KIFAP3: variants seen among roughly 807,000 people sequenced by gnomAD.
KIFAP3 encodes the protein kinesin associated protein 3.
In KIFAP3, 68 loss-of-function variants were observed where a neutral mutation model predicts 106.5. The observed-to-expected ratio is 0.64, with a 90% CI of 0.53 to 0.78. The LOEUF (loss-of-function observed/expected upper bound fraction) is 0.78. KIFAP3 is among the 30% of genes least tolerant of loss of function. The pLI is 0.00. For synonymous variants in KIFAP3, 320 were observed against 311.5 expected (o/e 1.03, Z -0.29); for missense variants, 780 against 941.8 (o/e 0.83, Z 2.25).
At chr1:169,975,913 T>C (rs80165788) in intron 16 of KIFAP3, among the ~76,000 whole-genome samples, 2,796 of 152,288 alleles carry the variant, frequency 0.018, 73 homozygotes, top group African/African-American at 0.063. Flanking sequence ...TATCAACATG[T>C]TATAATCTTT....
At chr1:170,031,858 G>T in intron 8 of KIFAP3, 28 bp downstream of exon 8, 1 of 1,391,630 alleles carries the variant, frequency 7.2e-7, no homozygotes, top group Non-Finnish European at 1.0e-6. Flanking sequence ...GTACTTTGTT[G>T]CTTTCCTCAT....
chr1:170,040,882 GTGGCATGGTCT>G (rs1318302069), intron 3 of KIFAP3, among the ~76,000 whole-genome samples: 1 of 150,848 alleles, frequency 6.6e-6, no homozygotes, highest in Non-Finnish European at 1.5e-5. Flanking sequence ...ATGGAGTACA[GTGGCATGGTCT>G]TGGCTCACTG....
intron 15 of KIFAP3, among the ~76,000 whole-genome samples, chr1:169,980,279 C>T (rs1490689091): frequency 1.3e-5 from 2 of 152,102 alleles, no homozygotes; most frequent in East Asian, 1.9e-4. Context: ...AAAATTAACA[C>T]AAAATGCACA....
intron 18 of KIFAP3, among the ~76,000 whole-genome samples, chr1:169,958,915 C>T (rs1401466657): frequency 6.6e-6 from 1 of 151,910 alleles, no homozygotes; most frequent in African/African-American, 2.4e-5. Context: ...TCACATAATA[C>T]TAAGATTTTT....
intron 9 of KIFAP3, among the ~76,000 whole-genome samples, chr1:170,018,278 T>C (rs1467872758): frequency 6.6e-6 from 1 of 152,156 alleles, no homozygotes; most frequent in African/African-American, 2.4e-5. Flanking sequence ...ACAGATCATA[T>C]GGCCTGCAAA....
At chr1:169,947,735 A>C (rs561094695) in intron 19 of KIFAP3, among the ~76,000 whole-genome samples, 2 of 151,972 alleles carry the variant, frequency 1.3e-5, no homozygotes, top group South Asian at 4.1e-4. Flanking sequence ...CAGATGTGGC[A>C]GTGATGTATC....
intron 12 of KIFAP3, 132 bp downstream of exon 12, chr1:169,984,450 T>C (rs905689676): frequency 2.4e-5 from 11 of 455,642 alleles, no homozygotes; most frequent in Admixed American, 7.7e-5. Context: ...TTAAGGATTA[T>C]AGCTATAATG....
intron 10 of KIFAP3, among the ~76,000 whole-genome samples, chr1:170,010,774 A>G (rs1004232469): frequency 6.6e-6 from 1 of 152,020 alleles, no homozygotes; most frequent in African/African-American, 2.4e-5. Flanking sequence ...AAATATAAAA[A>G]AGATTTTTCT....
chr1:170,041,930 G>C (rs1029380542), intron 3 of KIFAP3: 5 of 1,208,426 alleles, frequency 4.1e-6, no homozygotes, highest in East Asian at 2.7e-5. Flanking sequence ...GGGCGATTTC[G>C]TTTCAGTTAT....
chr1:169,956,850 A>G (rs1244175112), intron 18 of KIFAP3, among the ~76,000 whole-genome samples: 1 of 152,068 alleles, frequency 6.6e-6, no homozygotes, highest in Non-Finnish European at 1.5e-5. Flanking sequence ...CTCTTGCCTC[A>G]GCCTCCCAAA....
chr1:170,016,459 T>A lies in KIFAP3; in HGVS notation c.1183+3A>T, dbSNP rs1273029056. On this transcript the variant is annotated splice_donor_region_variant and intron_variant, in intron 10 of 19. Transcript: ENST00000361580. ...CACTGTCATTAATTTCTAAAAAGCA[T>A]ACCTAGGAGTGCAGTGAGCTTGGGA... is the stretch of plus-strand genomic sequence containing the variant. 6.3e-7 allele frequency: 1 copy of A among 1,592,134 alleles called. No homozygotes were observed.
chr1:170,066,323 A>C (rs1671445502), intron 1 of KIFAP3, among the ~76,000 whole-genome samples: 1 of 152,166 alleles, frequency 6.6e-6, no homozygotes, highest in African/African-American at 2.4e-5. Flanking sequence ...TATGTACTCA[A>C]ATATTTATAA....
intron 19 of KIFAP3, among the ~76,000 whole-genome samples, chr1:169,944,923 C>T (rs1428416440): frequency 1.3e-5 from 2 of 152,140 alleles, no homozygotes; most frequent in Non-Finnish European, 2.9e-5. Flanking sequence ...GGAGACTCCA[C>T]CTGGAACCGG....
chr1:170,046,350 T>C (rs1313181822), intron 3 of KIFAP3, among the ~76,000 whole-genome samples: 1 of 152,100 alleles, frequency 6.6e-6, no homozygotes, highest in African/African-American at 2.4e-5. Flanking sequence ...AAAAGAAGTT[T>C]ATAAAACATC....
chr1:169,969,919 T>C (rs1351181091), intron 17 of KIFAP3, among the ~76,000 whole-genome samples: 1 of 152,042 alleles, frequency 6.6e-6, no homozygotes, highest in Non-Finnish European at 1.5e-5. Context: ...TTCTTAGTGT[T>C]TGGCACATAA....
intron 19 of KIFAP3, among the ~76,000 whole-genome samples, chr1:169,926,682 TACAC>T (rs60885577): frequency 2.2e-4 from 11 of 50,782 alleles, no homozygotes; most frequent in Non-Finnish European, 4.2e-4. Flanking sequence ...GTTGTGTGTG[TACAC>T]ACACACACAC....
chr1:170,038,500 T>C lies in KIFAP3; in HGVS notation c.376-69A>G. On this transcript the variant is annotated intron_variant, in intron 4 of 19. Coordinates refer to ENST00000361580, the MANE Select transcript of KIFAP3 (RefSeq NM_014970.4). ...GATCCACTGTCAAAGAAATGTTATT[T>C]TGTGATCAATATACTGGCCTTTATA... 10 of 1,470,668 alleles carry C rather than the reference T, an allele frequency of 6.8e-6. No individual in the cohort carries two copies. The South Asian group carries it at 8.6e-5, about 13-fold the overall frequency. The allele number at this position is 1,470,668 out of a possible 1,614,324, so 91.1% of individuals were successfully genotyped here. A position where few individuals can be genotyped will look rare whatever the true frequency, so the allele number is the denominator to read the frequency against.
chr1:170,048,798 G>A (rs770418901), intron 2 of KIFAP3, among the ~76,000 whole-genome samples: 4 of 152,034 alleles, frequency 2.6e-5, no homozygotes, highest in South Asian at 2.1e-4. Context: ...TACCTGGCCC[G>A]GGTACTATGC....
chr1:170,023,638 A>AAT (rs914701072), intron 9 of KIFAP3, among the ~76,000 whole-genome samples: 1 of 152,118 alleles, frequency 6.6e-6, no homozygotes, highest in Admixed American at 6.5e-5. Flanking sequence ...AAGGTAGGTT[A>AAT]ATATATGATA....
Sources: gnomAD v4.1 joint callset for allele counts (sites outside exome capture counted in the v4.1 genomes callset) on GRCh38, gnomAD v4.1.1 for gene constraint, MANE v1.5 for transcripts, NCBI Gene and HGNC (gene_info 2026-07-23, HGNC 2026-07-21) for gene names.